Variants in HDLBP observed in about 807,000 individuals in gnomAD.
HDLBP encodes the protein high density lipoprotein binding protein.
A neutral mutation model predicts 137.3 loss-of-function variants in HDLBP; 30 were observed. The ratio of observed to expected loss-of-function variants is 0.22; its 90% CI spans 0.16 to 0.30. The LOEUF is 0.30. Among genes scored for constraint, HDLBP ranks in the 10% least tolerant of loss-of-function variants. HDLBP has a pLI of 1.00. For missense variants in HDLBP, 1,119 were observed against 1,667.3 expected (o/e 0.67, Z 5.73); for synonymous variants, 606 against 596.0 (o/e 1.02, Z -0.24).
rs772769689 is a variant in HDLBP at position 241,262,789 on chromosome 2, G to A, written c.372C>T (p.Gly124=). 1 of 1,614,134 alleles carries A rather than the reference G, an allele frequency of 6.2e-7. No individual in the cohort carries two copies. The highest frequency in any genetic ancestry group is 8.5e-7 in the Non-Finnish European group (1 of 1,180,018). Residue 124 remains glycine (G), a synonymous_variant, in exon 5 of 28, where the codon GGC becomes GGT. Coordinates refer to ENST00000310931, the MANE Select transcript of HDLBP (RefSeq NM_005336.6). ...GCTTTCCTGACACCATGATGGAGAG[G>A]CCTTGGTCTTTGGCCAAAGACAGCT... The part of the protein sequence containing the change: ...HLELSLAKDQ[G]LSIMVSGKLD...
intron 1 of HDLBP, among the ~76,000 whole-genome samples, chr2:241,290,574 C>T (rs886646564): frequency 4.6e-5 from 7 of 151,486 alleles, no homozygotes; most frequent in African/African-American, 1.7e-4. Flanking sequence ...CGCGCCATTG[C>T]ACTCCAGCCT....
At position 241,272,420 on chromosome 2, in the gene HDLBP, C is replaced by G. The variant is rs867541916; in HGVS notation, c.-102-3879G>C. On this transcript the variant is annotated intron_variant, in intron 1 of 27. Transcript: ENST00000310931. This position sits in a 1 kb window ranked among gnomAD's most constrained non-coding sequence, Gnocchi z 5.6. ...GGCCACGGCACCAGGGGTGCCCCACCGAAGCCCCGGGAGGAGGCGGGGGAG... is the reference window on the plus strand; with the variant it reads ...GGCCACGGCACCAGGGGTGCCCCACGGAAGCCCCGGGAGGAGGCGGGGGAG... The G allele has an allele frequency of 3.0e-6, 3 of 984,752 alleles. No homozygotes were observed. Among genetic ancestry groups the G allele is most frequent in the Non-Finnish European group, 3.6e-6 (3 of 829,694 alleles). The allele number at this position is 984,752 out of a possible 1,614,324, so 61.0% of individuals were successfully genotyped here. A position where few individuals can be genotyped will look rare whatever the true frequency, so the allele number is the denominator to read the frequency against.
At chr2:241,280,434 G>T (rs2074552516) in intron 1 of HDLBP, among the ~76,000 whole-genome samples, 1 of 152,136 alleles carries the variant, frequency 6.6e-6, no homozygotes. Context: ...CAAAGACCTT[G>T]CAGTCCAGGG....
intron 10 of HDLBP, 149 bp downstream of exon 10, chr2:241,253,244 G>C (rs2072341083): frequency 4.2e-6 from 3 of 707,360 alleles, no homozygotes; most frequent in South Asian, 3.2e-5. Flanking sequence ...ACCAGCTTCT[G>C]GTTGTTTCAG....
At chr2:241,257,238 G>A (rs1559511691) in intron 5 of HDLBP, among the ~76,000 whole-genome samples, 1 of 152,194 alleles carries the variant, frequency 6.6e-6, no homozygotes, top group Admixed American at 6.5e-5. Flanking sequence ...AAAGAGATGC[G>A]TTTCTTTTTT....
chr2:241,311,138 G>A (rs1236342321), intron 1 of HDLBP, among the ~76,000 whole-genome samples: 1 of 151,134 alleles, frequency 6.6e-6, no homozygotes, highest in African/African-American at 2.4e-5. Flanking sequence ...AAGAAAGAAA[G>A]AAGAAAAAAA....
intron 20 of HDLBP, 30 bp from the exon 21 acceptor site, chr2:241,236,799 A>ACAGCTGC (rs767756092): frequency 1.9e-6 from 3 of 1,610,248 alleles, no homozygotes; most frequent in Non-Finnish European, 2.5e-6. Flanking sequence ...GGGACAGCTG[A>ACAGCTGC]CAGCTGCTGG....
rs1574842618 is a variant in HDLBP at position 241,233,807 on chromosome 2, C to T, written c.3288+13G>A. ...CACCTCTGCCCCCGACACGCTCCAA[C>T]CGAGGCTCTCACCTGGTTCCCATCG... On this transcript the variant is annotated intron_variant, in intron 24 of 27. Coordinates refer to ENST00000310931, the MANE Select transcript of HDLBP (RefSeq NM_005336.6). The surrounding 1 kb of genome is among the most constrained non-coding windows in gnomAD (Gnocchi z 4.3). The T allele has an allele frequency of 6.2e-7, 1 of 1,614,084 alleles. No homozygotes were observed. Among genetic ancestry groups the T allele is most frequent in the Non-Finnish European group, 8.5e-7 (1 of 1,180,020 alleles).
At chr2:241,281,902 C>T (rs1022476006) in intron 1 of HDLBP, among the ~76,000 whole-genome samples, 1 of 152,108 alleles carries the variant, frequency 6.6e-6, no homozygotes, top group Non-Finnish European at 1.5e-5. Flanking sequence ...AGCAGTGCTA[C>T]AGTGTCTGTA....
chr2:241,253,504 C>T lies in HDLBP; in HGVS notation c.1189-7G>A, dbSNP rs375794295. The T allele has an allele frequency of 1.3e-6, 2 of 1,594,644 alleles. No homozygotes were observed. The highest frequency in any genetic ancestry group is 4.5e-5 in the East Asian group (2 of 44,774). The stretch of plus-strand genomic sequence containing the variant: ...CTGTGAACTCGATGTGAACCTACCA[C>T]ACCAAAACCAAAGAGATAGCTAAAA... On this transcript the variant is annotated splice_polypyrimidine_tract_variant and splice_region_variant and intron_variant, in intron 9 of 27. Coordinates refer to ENST00000310931, the MANE Select transcript of HDLBP (RefSeq NM_005336.6).
intron 1 of HDLBP, among the ~76,000 whole-genome samples, chr2:241,279,035 C>T (rs761615984): frequency 1.4e-4 from 19 of 135,654 alleles, no homozygotes; most frequent in Non-Finnish European, 2.8e-4. Context: ...CTCTCCACCC[C>T]TCTAAAAAAA....
chr2:241,256,247 G>T lies in HDLBP; in HGVS notation c.810C>A (p.Phe270Leu). ...GAGCCAACTGTTCCTTCTCTCCAGT[G>T]AAGACAATCTCTGTCCGGTTCACGC... ...PPSVNRTEIVFTGEKEQLAQA... is the reference protein window; with the variant it reads ...PPSVNRTEIVLTGEKEQLAQA... The change falls in exon 7 of 28, where the codon TTC becomes TTA. Residue 270 changes from phenylalanine (F) to leucine (L), a missense_variant. Phe to Leu is a conservative substitution (Grantham distance 22). Transcript: ENST00000310931. 1 of 1,614,162 alleles carries T rather than the reference G, an allele frequency of 6.2e-7. No homozygotes were observed. The highest frequency in any genetic ancestry group is 8.5e-7 in the Non-Finnish European group (1 of 1,180,034).
chr2:241,308,794 AAAGT>A (rs1559560638), intron 1 of HDLBP, among the ~76,000 whole-genome samples: 2 of 152,166 alleles, frequency 1.3e-5, no homozygotes, highest in Non-Finnish European at 2.9e-5. Flanking sequence ...GGTGACAGGA[AAAGT>A]AAGAAATGTC....
At chr2:241,315,086 A>G (rs2075988783) in intron 1 of HDLBP, 1 of 151,008 alleles carries the variant, frequency 6.6e-6, no homozygotes, top group African/African-American at 2.4e-5. Flanking sequence ...CTCGCGGAGC[A>G]CTCCCCAGGT....
chr2:241,301,125 C>T (rs866681152), intron 1 of HDLBP, among the ~76,000 whole-genome samples: 6 of 150,726 alleles, frequency 4.0e-5, no homozygotes, highest in East Asian at 2.0e-4. Context: ...TACAGGCGCC[C>T]GCCACCAGGC....
intron 2 of HDLBP, 60 bp downstream of exon 2, chr2:241,268,417 G>A: frequency 2.1e-6 from 2 of 970,172 alleles, no homozygotes; most frequent in Non-Finnish European, 2.5e-6. Context: ...ACGCATCCCT[G>A]CGCCCCCAGG....
rs756307701 is a variant in HDLBP at position 241,229,950 on chromosome 2, C to T, written c.3603G>A (p.Val1201=). The T allele has an allele frequency of 6.2e-7, 1 of 1,600,232 alleles. No homozygotes were observed. The highest frequency in any genetic ancestry group is 8.5e-7 in the Non-Finnish European group (1 of 1,172,440). ...ATACCTGCAGCGCCTCACTGTCCAC[C>T]ACGTCAGCTAGCTGCAGGCAGAAGA... ...LNLEEEYLAD[V]VDSEALQVYM... is the part of the protein sequence containing the mutation. The change falls in exon 27 of 28, where the codon GTG becomes GTA. Residue 1201 remains valine (V), a synonymous_variant. Coordinates refer to ENST00000310931, the MANE Select transcript of HDLBP (RefSeq NM_005336.6).
chr2:241,271,844 C>G (rs1177555329), intron 1 of HDLBP: 1 of 152,248 alleles, frequency 6.6e-6, no homozygotes, highest in South Asian at 2.1e-4. Context: ...ACTCAGAGAT[C>G]ACAAGATCGA....
chr2:241,302,039 T>C (rs749788172), intron 1 of HDLBP, among the ~76,000 whole-genome samples: 1 of 148,356 alleles, frequency 6.7e-6, no homozygotes, highest in Non-Finnish European at 1.5e-5. Context: ...AAGATCAGCT[T>C]GGGCAATATA....
Sources: gnomAD v4.1 joint callset for allele counts (sites outside exome capture counted in the v4.1 genomes callset) on GRCh38, gnomAD v4.1.1 for gene constraint, Gnocchi (gnomAD v3.1) non-coding constraint, MANE v1.5 for transcripts, NCBI Gene and HGNC (gene_info 2026-07-23, HGNC 2026-07-21) for gene names.